The following PSMB7 variants were observed in gnomAD, a reference collection of about 807,000 sequenced individuals.
PSMB7 encodes the protein proteasome 20S subunit beta 7.
Under a neutral mutation model 28.1 loss-of-function variants are expected in PSMB7, and 5 were observed. The ratio of observed to expected loss-of-function variants is 0.18; its 90% CI spans 0.09 to 0.37. The LOEUF is 0.37. PSMB7 is among the 10% of genes least tolerant of loss of function. PSMB7 has a pLI of 1.00. For missense variants in PSMB7, 275 were observed against 346.2 expected (o/e 0.79, Z 1.63); for synonymous variants, 122 against 123.7 (o/e 0.99, Z 0.09).
At chr9:124,392,099 T>C (rs1269831034) in intron 5 of PSMB7, among the ~76,000 whole-genome samples, 2 of 152,198 alleles carry the variant, frequency 1.3e-5, no homozygotes, top group Admixed American at 6.5e-5. Context: ...CTGGGAGTAT[T>C]TGGCCCTTTT....
intron 6 of PSMB7, chr9:124,384,165 T>G (rs1273393160): frequency 6.3e-6 from 1 of 158,244 alleles, no homozygotes; most frequent in Non-Finnish European, 1.4e-5. Flanking sequence ...TGCAGAATCA[T>G]CTACAGGGAT....
At chr9:124,404,403 CT>C (rs1296182421) in intron 5 of PSMB7, among the ~76,000 whole-genome samples, 1 of 152,152 alleles carries the variant, frequency 6.6e-6, no homozygotes, top group South Asian at 2.1e-4. Flanking sequence ...ATCTGTATTA[CT>C]TTTTTTCTTA....
intron 5 of PSMB7, chr9:124,398,478 A>G: frequency 2.8e-6 from 1 of 363,474 alleles, no homozygotes; most frequent in Non-Finnish European, 5.6e-6. Flanking sequence ...ATGGACTTGG[A>G]TTGGAAAGAA....
At chr9:124,365,939 AAGAG>A (rs935026265) in intron 6 of PSMB7, among the ~76,000 whole-genome samples, 1 of 152,268 alleles carries the variant, frequency 6.6e-6, no homozygotes, top group East Asian at 1.9e-4. Flanking sequence ...AAAGGAGAGA[AAGAG>A]AGAGAGATTA....
intron 4 of PSMB7, among the ~76,000 whole-genome samples, chr9:124,409,446 G>C (rs977935738): frequency 3.3e-5 from 5 of 152,274 alleles, no homozygotes; most frequent in African/African-American, 1.2e-4. Context: ...CACAGAACAA[G>C]CATTACTTAC....
intron 6 of PSMB7, among the ~76,000 whole-genome samples, chr9:124,375,914 G>A (rs1830605918): frequency 6.6e-6 from 1 of 152,158 alleles, no homozygotes; most frequent in Admixed American, 6.5e-5. Context: ...ATGTCAGCTG[G>A]TGGGATTAGC....
chr9:124,412,301 C>A (rs566951727), intron 4 of PSMB7, 51 bp downstream of exon 4: 3 of 1,546,550 alleles, frequency 1.9e-6, no homozygotes, highest in East Asian at 4.6e-5. Context: ...TGAAAAAAAT[C>A]TAAGATATGA....
chr9:124,381,929 C>CA (rs1830671188), intron 6 of PSMB7, among the ~76,000 whole-genome samples: 1 of 151,884 alleles, frequency 6.6e-6, no homozygotes, highest in African/African-American at 2.4e-5. Context: ...CTTTTAAACT[C>CA]AACCACTAAA....
rs1830703116 is a variant in PSMB7 at position 124,384,790 on chromosome 9, C to T, written c.512-134G>A. On this transcript the variant is annotated intron_variant, in intron 5 of 7. Transcript: ENST00000259457. ...AAGTACAGTGTAAATATTAATTCTA[C>T]AGGGCCACATAAACCAGGTAAAAAC... The T allele has an allele frequency of 1.3e-5, 9 of 715,282 alleles. No homozygotes were observed. In the South Asian group the frequency reaches 1.8e-4, roughly 14 times the overall value. 44.3% of individuals were successfully genotyped at this position (715,282 alleles called of 1,614,324 possible).
chr9:124,413,878 T>A (rs755169956), intron 3 of PSMB7, 30 bp downstream of exon 3: 2 of 1,462,330 alleles, frequency 1.4e-6, no homozygotes, highest in Admixed American at 3.5e-5. Flanking sequence ...TTTGAAAATA[T>A]AAGAGTTATT....
chr9:124,357,532 C>T (rs547484293), intron 6 of PSMB7, among the ~76,000 whole-genome samples: 79 of 152,296 alleles, frequency 5.2e-4, no homozygotes, highest in African/African-American at 1.9e-3. Flanking sequence ...GACCTCTTGC[C>T]CAGAATAATC....
chr9:124,367,273 C>A (rs980038774), intron 6 of PSMB7, among the ~76,000 whole-genome samples: 1 of 152,184 alleles, frequency 6.6e-6, no homozygotes, highest in South Asian at 2.1e-4. Flanking sequence ...GACCACCCCT[C>A]TGAACAAACA....
Position 124,410,010 on chromosome 9 carries a change from A to ATTT in PSMB7, c.395+2339_395+2341dup, listed in dbSNP as rs11396783. ...AAACACTGAAAAAAGAGAATTTAGAATTTTTTTTTTTTTTTTGAGACGGAG... is the reference window on the plus strand; with the variant it reads ...AAACACTGAAAAAAGAGAATTTAGAATTTTTTTTTTTTTTTTTTTGAGACGGAG... On this transcript the variant is annotated intron_variant, in intron 4 of 7. Coordinates refer to ENST00000259457, the MANE Select transcript of PSMB7 (RefSeq NM_002799.4). Among the ~76,000 whole-genome samples the ATTT allele has an allele frequency of 5.0e-4, 73 of 144,768 alleles. 3 individuals carry two copies. The highest frequency in any genetic ancestry group is 3.2e-3 in the East Asian group (16 of 4,976). 95.0% of individuals were successfully genotyped at this position (144,768 alleles called of 152,430 possible). A position where few individuals can be genotyped will look rare whatever the true frequency, so the allele number is the denominator to read the frequency against.
intron 5 of PSMB7, 36 bp downstream of exon 5, chr9:124,405,281 G>C (rs10986331): frequency 7.0e-7 from 1 of 1,419,514 alleles, no homozygotes; most frequent in Non-Finnish European, 9.9e-7. Context: ...TGGTAAGTAA[G>C]AGTACTCTTA....
intron 6 of PSMB7, among the ~76,000 whole-genome samples, chr9:124,369,748 CCTT>C (rs1830543509): frequency 6.6e-6 from 1 of 152,144 alleles, no homozygotes; most frequent in East Asian, 1.9e-4. Flanking sequence ...GGAATGGTCT[CCTT>C]CTCTTCTGCC....
chr9:124,394,032 C>A (rs1830818184), intron 5 of PSMB7, among the ~76,000 whole-genome samples: 1 of 152,232 alleles, frequency 6.6e-6, no homozygotes, highest in African/African-American at 2.4e-5. Flanking sequence ...GCTGGCAAGT[C>A]TCTTAAAGGT....
intron 5 of PSMB7, among the ~76,000 whole-genome samples, chr9:124,392,369 A>T (rs1482608835): frequency 6.6e-6 from 1 of 152,014 alleles, no homozygotes; most frequent in Non-Finnish European, 1.5e-5. Flanking sequence ...TGGGCATATC[A>T]CTCCGAGCTC....
intron 6 of PSMB7, among the ~76,000 whole-genome samples, chr9:124,361,570 CAT>C (rs1438636579): frequency 1.2e-4 from 19 of 152,200 alleles, no homozygotes; most frequent in African/African-American, 4.6e-4. Context: ...TTATTTATAA[CAT>C]GGGCGATTGT....
At chr9:124,386,975 G>C (rs982273315) in intron 5 of PSMB7, among the ~76,000 whole-genome samples, 1 of 152,068 alleles carries the variant, frequency 6.6e-6, no homozygotes, top group Non-Finnish European at 1.5e-5. Flanking sequence ...GGCCGGGCGC[G>C]GTGGCTCACG....
Sources: allele counts gnomAD v4.1 joint callset (sites outside exome capture counted in the v4.1 genomes callset), GRCh38; gene constraint gnomAD v4.1.1; transcripts MANE v1.5; gene names NCBI Gene and HGNC (gene_info 2026-07-23, HGNC 2026-07-21).